Variants in DLG2 observed in about 807,000 individuals in gnomAD.
DLG2 encodes the protein discs large MAGUK scaffold protein 2.
In DLG2, 45 loss-of-function variants were observed where a neutral mutation model predicts 132.5. The ratio of observed to expected loss-of-function variants is 0.34; its 90% CI spans 0.27 to 0.44. The LOEUF (loss-of-function observed/expected upper bound fraction) is 0.44, where lower values mean the gene tolerates loss of function less well. DLG2 is among the 20% of genes least tolerant of loss of function. The probability of loss-of-function intolerance (pLI) is 1.00; values close to 1 mark genes in which losing one functional copy is unlikely to be tolerated. For synonymous variants in DLG2, 424 were observed against 419.6 expected, an observed-to-expected ratio of 1.01 and a Z score of -0.13; for missense variants, 1,045 against 1,196.9, an observed-to-expected ratio of 0.87 and a Z score of 1.87.
At chr11:84,465,840 G>A (rs531108749) in intron 7 of DLG2, among the ~76,000 whole-genome samples, 2 of 150,956 alleles carry the variant, frequency 1.3e-5, no homozygotes, top group Non-Finnish European at 3.0e-5. Context: ...ACCAAGACAG[G>A]GTGGCCATAG....
chr11:85,535,185 C>G (rs2075496498), intron 3 of DLG2, among the ~76,000 whole-genome samples: 1 of 151,952 alleles, frequency 6.6e-6, no homozygotes, highest in African/African-American at 2.4e-5. Flanking sequence ...GATTTGTAGA[C>G]CATGGTAAGG....
chr11:83,661,441 T>C (rs569527172), intron 18 of DLG2, among the ~76,000 whole-genome samples: 3 of 152,290 alleles, frequency 2.0e-5, no homozygotes, highest in Admixed American at 6.5e-5. Flanking sequence ...TACAACAATA[T>C]ATTATTAGTG....
chr11:84,186,599 A>G (rs2096281252), intron 8 of DLG2, among the ~76,000 whole-genome samples: 1 of 152,006 alleles, frequency 6.6e-6, no homozygotes, highest in Non-Finnish European at 1.5e-5. Flanking sequence ...TAGGGGCATT[A>G]TGAACCACCT....
intron 15 of DLG2, among the ~76,000 whole-genome samples, chr11:83,902,813 G>A (rs1002524911): frequency 6.6e-6 from 1 of 152,150 alleles, no homozygotes; most frequent in Non-Finnish European, 1.5e-5. Context: ...CAGGGTATGG[G>A]GAACTGGAAA....
chr11:83,900,097 A>T (rs1565558341), intron 15 of DLG2, among the ~76,000 whole-genome samples: 1 of 152,090 alleles, frequency 6.6e-6, no homozygotes, highest in Non-Finnish European at 1.5e-5. Flanking sequence ...TGCCCAAGAG[A>T]TTTGTGGAAC....
Position 85,238,205 on chromosome 11 carries a change from TTTTATTTATTTATTTA to T in DLG2, c.186+46999_186+47014del, listed in dbSNP as rs141877580. Among the ~76,000 whole-genome samples, 1,009 of 125,990 alleles carry T rather than the reference TTTTATTTATTTATTTA, an allele frequency of 8.0e-3. 11 individuals carry two copies. The highest frequency in any genetic ancestry group is 0.035 in the South Asian group (137 of 3,862). 82.7% of individuals were successfully genotyped at this position (125,990 alleles called of 152,430 possible). A position where few individuals can be genotyped will look rare whatever the true frequency, so the allele number is the denominator to read the frequency against. ...AACTTTTTTTTATTTTTTATTTTTA[TTTTATTTATTTATTTA>T]TTTATTTATTTATTTATTTATTTAT... On this transcript the variant is annotated intron_variant, in intron 4 of 27. Transcript: ENST00000376104.
At chr11:84,516,027 T>C (rs2099271764) in intron 7 of DLG2, among the ~76,000 whole-genome samples, 1 of 151,538 alleles carries the variant, frequency 6.6e-6, no homozygotes, top group Admixed American at 6.6e-5. Flanking sequence ...TTAAAATATC[T>C]GTTGAGACAA....
intron 6 of DLG2, among the ~76,000 whole-genome samples, chr11:84,856,941 C>G (rs968385925): frequency 6.6e-6 from 1 of 151,752 alleles, no homozygotes; most frequent in Non-Finnish European, 1.5e-5. Context: ...GTAAAAGAAC[C>G]AAAAGTATGT....
intron 3 of DLG2, among the ~76,000 whole-genome samples, chr11:85,397,128 A>T (rs533370284): frequency 6.6e-6 from 1 of 152,222 alleles, no homozygotes; most frequent in Non-Finnish European, 1.5e-5. Context: ...AATATTCAAC[A>T]TTCTTAAAGA....
At chr11:83,896,297 CAG>C (rs2154093495) in intron 15 of DLG2, among the ~76,000 whole-genome samples, 1 of 152,244 alleles carries the variant, frequency 6.6e-6, no homozygotes, top group East Asian at 1.9e-4. Flanking sequence ...ATAAAAGTTA[CAG>C]AGGTAGACGA....
Position 84,449,115 on chromosome 11 carries a change from C to T in DLG2, c.519+85455G>A, listed in dbSNP as rs115248775. On this transcript the variant is annotated intron_variant, in intron 7 of 27. Coordinates refer to ENST00000376104, the MANE Select transcript of DLG2 (RefSeq NM_001142699.3). ...GAAAACACCATTTCTAAAGGTAAATCACTGACACTTATTGATACATGGACC... is the reference window on the plus strand; with the variant it reads ...GAAAACACCATTTCTAAAGGTAAATTACTGACACTTATTGATACATGGACC... Among the ~76,000 whole-genome samples, 219 of 152,054 alleles carry T rather than the reference C, an allele frequency of 1.4e-3. 1 individual carries two copies. The highest frequency in any genetic ancestry group is 5.1e-3 in the African/African-American group (212 of 41,554).
intron 3 of DLG2, among the ~76,000 whole-genome samples, chr11:85,558,131 G>GAT (rs2077036098): frequency 6.6e-6 from 1 of 151,726 alleles, no homozygotes; most frequent in East Asian, 1.9e-4. Context: ...ATCCCATTAA[G>GAT]AAACAGGCAA....
chr11:84,237,742 A>G (rs909716091), intron 8 of DLG2, among the ~76,000 whole-genome samples: 6 of 150,622 alleles, frequency 4.0e-5, no homozygotes, highest in South Asian at 2.1e-4. Context: ...ATACACTTAG[A>G]AAAGGAAAGA....
chr11:84,461,940 C>T (rs1414915276), intron 7 of DLG2, among the ~76,000 whole-genome samples: 3 of 150,446 alleles, frequency 2.0e-5, no homozygotes, highest in Non-Finnish European at 4.5e-5. Context: ...GAATGAGTCT[C>T]TGTAGTCCTA....
intron 21 of DLG2, among the ~76,000 whole-genome samples, chr11:83,497,913 TA>T (rs966451122): frequency 2.7e-4 from 40 of 147,928 alleles, no homozygotes; most frequent in Admixed American, 6.1e-4. Flanking sequence ...CTTAATTTAT[TA>T]AAAAAAAAAC....
chr11:83,548,838 C>T (rs754845743), intron 19 of DLG2, among the ~76,000 whole-genome samples: 2 of 152,130 alleles, frequency 1.3e-5, no homozygotes, highest in African/African-American at 4.8e-5. Context: ...AATCACTCTG[C>T]TCTTTTACCT....
chr11:85,306,111 T>C (rs185729367), intron 3 of DLG2, among the ~76,000 whole-genome samples: 103 of 152,302 alleles, frequency 6.8e-4, no homozygotes, highest in African/African-American at 2.4e-3. Context: ...TGTAAAATTA[T>C]TGTAAGATTA....
At chr11:84,289,109 T>A (rs1399620786) in intron 7 of DLG2, among the ~76,000 whole-genome samples, 3 of 152,128 alleles carry the variant, frequency 2.0e-5, no homozygotes, top group African/African-American at 7.2e-5. Context: ...GTCAACTTCC[T>A]TTCATAATGA....
intron 7 of DLG2, among the ~76,000 whole-genome samples, chr11:84,403,956 A>G (rs2098839616): frequency 6.6e-6 from 1 of 152,174 alleles, no homozygotes; most frequent in South Asian, 2.1e-4. Flanking sequence ...TTAACAGAAG[A>G]TAATCCCTCT....
Sources: allele counts gnomAD v4.1 joint callset (sites outside exome capture counted in the v4.1 genomes callset), GRCh38; gene constraint gnomAD v4.1.1; transcripts MANE v1.5; gene names NCBI Gene and HGNC (gene_info 2026-07-23, HGNC 2026-07-21).